WDPCP: variants seen among roughly 807,000 people sequenced by gnomAD.
WDPCP encodes WD repeat-containing and planar cell polarity effector protein fritz homolog.
In WDPCP, 71 loss-of-function variants were observed where a neutral mutation model predicts 93.1. The observed-to-expected ratio is 0.76, with a 90% confidence interval of 0.63 to 0.93. The LOEUF is 0.93. Among genes scored for constraint, WDPCP ranks in the 40% least tolerant of loss-of-function variants. The pLI, the probability that WDPCP is intolerant of heterozygous loss-of-function variation, is 0.00. For synonymous variants in WDPCP, 315 were observed against 315.0 expected (o/e 1.00, Z 0.00); for missense variants, 844 against 887.4 (o/e 0.95, Z 0.62).
intron 1 of WDPCP, among the ~76,000 whole-genome samples, chr2:63,515,249 G>A (rs895499919): frequency 3.9e-5 from 6 of 152,040 alleles, no homozygotes; most frequent in South Asian, 2.1e-4. Flanking sequence ...TGGTAGATTT[G>A]GCACAAGCAC....
chr2:63,275,212 G>C (rs1377885227), intron 13 of WDPCP, among the ~76,000 whole-genome samples: 3 of 152,070 alleles, frequency 2.0e-5, no homozygotes, highest in African/African-American at 7.2e-5. Flanking sequence ...TCATCAAATA[G>C]ATGCAGAACA....
At chr2:63,697,773 G>A (rs1668980456) in intron 2 of WDPCP, among the ~76,000 whole-genome samples, 2 of 151,610 alleles carry the variant, frequency 1.3e-5, no homozygotes, top group South Asian at 2.1e-4. Flanking sequence ...TCAGCCTCTG[G>A]AGTAGCTGGG....
chr2:63,313,883 TA>T (rs1452285274), intron 12 of WDPCP, among the ~76,000 whole-genome samples: 1,639 of 84,852 alleles, frequency 0.019, 45 homozygotes, highest in Non-Finnish European at 0.033. Context: ...TATATATATA[TA>T]TATTTTTTTT....
At chr2:63,702,625 G>A (rs1367478344) in intron 2 of WDPCP, among the ~76,000 whole-genome samples, 4 of 150,822 alleles carry the variant, frequency 2.7e-5, no homozygotes, top group Admixed American at 2.0e-4. Context: ...TGCAAGCTAC[G>A]CCTCCGGGGT....
At chr2:63,384,523 A>T (rs1379183358) in intron 10 of WDPCP, among the ~76,000 whole-genome samples, 1 of 152,168 alleles carries the variant, frequency 6.6e-6, no homozygotes, top group Non-Finnish European at 1.5e-5. Flanking sequence ...GCACCAATGC[A>T]CACACATAAT....
At chr2:63,550,239 A>ACC (rs1553430661) in intron 1 of WDPCP, among the ~76,000 whole-genome samples, 2 of 8,206 alleles carry the variant, frequency 2.4e-4, no homozygotes, top group African/African-American at 3.2e-3. Context: ...ACACACACAC[A>ACC]CCCTTCCTCT....
chr2:63,180,957 T>C (rs1674195518), intron 14 of WDPCP, among the ~76,000 whole-genome samples: 1 of 152,190 alleles, frequency 6.6e-6, no homozygotes. Flanking sequence ...ATATGCAGGT[T>C]AGACATTTGT....
At chr2:63,388,205 C>T (rs1011488808) in intron 10 of WDPCP, among the ~76,000 whole-genome samples, 1 of 152,178 alleles carries the variant, frequency 6.6e-6, no homozygotes, top group South Asian at 2.1e-4. Flanking sequence ...ACACAGAAGA[C>T]GGGTGATTTC....
At chr2:63,391,008 GA>G in intron 10 of WDPCP, among the ~76,000 whole-genome samples, 1 of 152,208 alleles carries the variant, frequency 6.6e-6, no homozygotes, top group South Asian at 2.1e-4. Flanking sequence ...CCAATCAATA[GA>G]AAAAGAGGGA....
At chr2:63,323,294 G>A (rs898613093) in intron 12 of WDPCP, among the ~76,000 whole-genome samples, 5 of 152,160 alleles carry the variant, frequency 3.3e-5, no homozygotes, top group African/African-American at 1.2e-4. Flanking sequence ...CCTGTCTCTG[G>A]TGCTTTTCTA....
intron 13 of WDPCP, among the ~76,000 whole-genome samples, chr2:63,300,720 T>C (rs1044872301): frequency 6.6e-6 from 1 of 152,238 alleles, no homozygotes; most frequent in Non-Finnish European, 1.5e-5. Context: ...ACTGGGGATA[T>C]AGCTCAAGGG....
chr2:63,427,082 A>G (rs1415566652), intron 9 of WDPCP, among the ~76,000 whole-genome samples: 4 of 152,258 alleles, frequency 2.6e-5, no homozygotes, highest in Non-Finnish European at 5.9e-5. Flanking sequence ...GAGCACCCAC[A>G]TTCATAAAAC....
chr2:63,658,324 A>T (rs1340978325), intron 2 of WDPCP, among the ~76,000 whole-genome samples: 1 of 152,236 alleles, frequency 6.6e-6, no homozygotes, highest in Non-Finnish European at 1.5e-5. Context: ...GTCAAAATGC[A>T]TCCCTGGAAA....
In WDPCP at chr2:63,323,413, G is replaced by C. The variant is rs201384718; in HGVS notation, c.1749-10102C>G. Among the ~76,000 whole-genome samples, 8 of 152,158 alleles carry C rather than the reference G, an allele frequency of 5.3e-5. No individual in the cohort carries two copies. The East Asian group carries it at 1.2e-3, about 22-fold the overall frequency. On this transcript the variant is annotated intron_variant, in intron 12 of 17. Transcript: ENST00000272321. The stretch of plus-strand genomic sequence containing the variant: ...CGTAATTTTTGCCCAAAGCCCCATC[G>C]TAGGGGGGACTATCTGGAATTTTAG...
chr2:63,536,531 T>TA (rs765399685), intron 1 of WDPCP, among the ~76,000 whole-genome samples: 1 of 151,942 alleles, frequency 6.6e-6, no homozygotes, highest in Non-Finnish European at 1.5e-5. Context: ...TATGCAGCCA[T>TA]AAAAAAGGAT....
intron 1 of WDPCP, among the ~76,000 whole-genome samples, 162 bp downstream of exon 1, chr2:63,588,035 A>G (rs537432468): frequency 6.6e-6 from 1 of 152,252 alleles, no homozygotes; most frequent in Non-Finnish European, 1.5e-5. Flanking sequence ...CACCCCCTCC[A>G]AAATAGCTGC....
At chr2:63,712,641 T>C (rs750718579) in intron 2 of WDPCP, among the ~76,000 whole-genome samples, 11 of 152,198 alleles carry the variant, frequency 7.2e-5, no homozygotes, top group Non-Finnish European at 1.6e-4. Flanking sequence ...TATAAGTGGG[T>C]TCAAAAATTC....
intron 12 of WDPCP, among the ~76,000 whole-genome samples, chr2:63,347,017 T>C (rs1689239515): frequency 6.6e-6 from 1 of 152,208 alleles, no homozygotes; most frequent in African/African-American, 2.4e-5. Flanking sequence ...ATAATTATCA[T>C]AGCTGAAAGC....
chr2:63,692,236 G>C (rs970592154), intron 2 of WDPCP, among the ~76,000 whole-genome samples: 1 of 151,836 alleles, frequency 6.6e-6, no homozygotes, highest in Admixed American at 6.6e-5. Flanking sequence ...AAAAAATCAC[G>C]ACATAATTTA....
Sources: gnomAD v4.1 joint callset for allele counts (sites outside exome capture counted in the v4.1 genomes callset) on GRCh38, gnomAD v4.1.1 for gene constraint, MANE v1.5 for transcripts, NCBI Gene and HGNC (gene_info 2026-07-23, HGNC 2026-07-21) for gene names.